Variants in PRKCA observed in about 807,000 individuals in gnomAD.
PRKCA encodes protein kinase C alpha type.
PRKCA carries 27 observed loss-of-function variants against 87.0 expected under a neutral mutation model. That is an observed-to-expected ratio of 0.31 (90% CI 0.23 to 0.43). PRKCA has a LOEUF of 0.43. Among genes scored for constraint, PRKCA ranks in the 20% least tolerant of loss-of-function variants. The pLI, the probability that PRKCA is intolerant of heterozygous loss-of-function variation, is 1.00. For missense variants in PRKCA, 518 were observed against 852.3 expected, an observed-to-expected ratio of 0.61 and a Z score of 4.88; for synonymous variants, 329 against 311.1, an observed-to-expected ratio of 1.06 and a Z score of -0.61.
chr17:66,390,243 T>C (rs1225343042), intron 2 of PRKCA, among the ~76,000 whole-genome samples: 1 of 151,852 alleles, frequency 6.6e-6, no homozygotes, highest in African/African-American at 2.4e-5. Flanking sequence ...AAAAAAATCA[T>C]GAAGAGTGGA....
chr17:66,571,298 A>G (rs1315612419), intron 3 of PRKCA, among the ~76,000 whole-genome samples: 1 of 152,192 alleles, frequency 6.6e-6, no homozygotes, highest in Non-Finnish European at 1.5e-5. Context: ...ATGGTTGAAT[A>G]TACAGGAGAG....
At chr17:66,558,639 A>G (rs1008934717) in intron 3 of PRKCA, among the ~76,000 whole-genome samples, 4 of 152,158 alleles carry the variant, frequency 2.6e-5, no homozygotes, top group African/African-American at 9.7e-5. Flanking sequence ...TAAGAGTGAG[A>G]TCATCATAAA....
chr17:66,582,284 A>C (rs2143473958), intron 3 of PRKCA, among the ~76,000 whole-genome samples: 1 of 152,350 alleles, frequency 6.6e-6, no homozygotes, highest in South Asian at 2.1e-4. Flanking sequence ...ATCCTTATCC[A>C]AAATGCCTGG....
chr17:66,374,719 C>CTTTTTTTTTTTTTTTT (rs35431248), intron 2 of PRKCA, among the ~76,000 whole-genome samples: 3 of 115,826 alleles, frequency 2.6e-5, no homozygotes, highest in Non-Finnish European at 5.1e-5. Flanking sequence ...GAGTTGCATT[C>CTTTTTTTTTTTTTTTT]TTTTTTTTTT....
Position 66,804,924 on chromosome 17 carries a change from C to A in PRKCA, c.*887C>A. 1.1e-6 allele frequency: 1 copy of A among 914,670 alleles called. No homozygotes were observed. Among genetic ancestry groups the A allele is most frequent in the Non-Finnish European group, 1.3e-6 (1 of 765,120 alleles). The allele number at this position is 914,670 out of a possible 1,614,324, so 56.7% of individuals were successfully genotyped here. Reference sequence around the variant, plus strand: ...GTTCACCAACACCCACCCCCACACACACCAACATTTTGCTGCCTACCTTGT... The same window carrying A: ...GTTCACCAACACCCACCCCCACACAAACCAACATTTTGCTGCCTACCTTGT... On this transcript the variant is annotated 3_prime_UTR_variant, in exon 17 of 17. Transcript: ENST00000413366.
At position 66,792,498 on chromosome 17, in the gene PRKCA, G is replaced by A. The variant is rs747073884; in HGVS notation, c.1854+3519G>A. ...CAGGGAATCATGGTTCCTCTAGTGT[G>A]CTGTCTTAATCCCTCTTCCTGACTG... On this transcript the variant is annotated intron_variant, in intron 16 of 16. Transcript: ENST00000413366. The surrounding 1 kb of genome is among the most constrained non-coding windows in gnomAD (Gnocchi z 4.5). Among the ~76,000 whole-genome samples, 4 of 152,192 alleles carry A rather than the reference G, an allele frequency of 2.6e-5. No individual in the cohort carries two copies. The highest frequency in any genetic ancestry group is 6.5e-5 in the Admixed American group (1 of 15,274).
chr17:66,422,441 A>G (rs937250838), intron 2 of PRKCA, among the ~76,000 whole-genome samples: 1 of 152,222 alleles, frequency 6.6e-6, no homozygotes, highest in African/African-American at 2.4e-5. Flanking sequence ...GTAAGCCCTC[A>G]ATAAATATAG....
intron 3 of PRKCA, among the ~76,000 whole-genome samples, chr17:66,536,371 A>G (rs1967782564): frequency 6.6e-6 from 1 of 152,278 alleles, no homozygotes; most frequent in Non-Finnish European, 1.5e-5. Context: ...TCATTCAGAG[A>G]AAAGCCACAG....
intron 2 of PRKCA, among the ~76,000 whole-genome samples, chr17:66,433,821 A>G (rs1339898160): frequency 6.6e-6 from 1 of 152,174 alleles, no homozygotes; most frequent in Non-Finnish European, 1.5e-5. Context: ...TTGGGATTAT[A>G]GGTGTGAGCC....
intron 3 of PRKCA, among the ~76,000 whole-genome samples, chr17:66,532,198 C>T (rs1598745508): frequency 6.6e-6 from 1 of 151,518 alleles, no homozygotes. Context: ...TGAGTCTGTC[C>T]CCACCATCTT....
chr17:66,390,424 G>A, intron 2 of PRKCA, among the ~76,000 whole-genome samples: 1 of 152,178 alleles, frequency 6.6e-6, no homozygotes, highest in Non-Finnish European at 1.5e-5. Context: ...GAAATGAAGT[G>A]TGTACAGTGG....
chr17:66,735,778 A>G (rs1974008276), intron 10 of PRKCA, 116 bp downstream of exon 10: 32 of 1,264,794 alleles, frequency 2.5e-5, no homozygotes, highest in Non-Finnish European at 3.4e-5. Flanking sequence ...GTGTGTTGTG[A>G]TGTCAAGCAG....
At chr17:66,325,459 T>TA (rs950924081) in intron 2 of PRKCA, among the ~76,000 whole-genome samples, 1 of 151,610 alleles carries the variant, frequency 6.6e-6, no homozygotes, top group Non-Finnish European at 1.5e-5. Flanking sequence ...CGCCCCACTT[T>TA]AAAAAAAAAT....
In PRKCA at chr17:66,596,025, G is replaced by A. The variant is rs529494503; in HGVS notation, c.289-45330G>A. Among the ~76,000 whole-genome samples, 101 of 152,272 alleles carry A rather than the reference G, an allele frequency of 6.6e-4. 1 individual carries two copies. The South Asian group carries it at 9.7e-3, about 15-fold the overall frequency. On this transcript the variant is annotated intron_variant, in intron 3 of 16. Transcript: ENST00000413366. ...ATCCTGTAGGGATGGGTGGTGGGTC[G>A]CCTCAGGCCCTCCTTTCATTCCCAG...
intron 2 of PRKCA, among the ~76,000 whole-genome samples, chr17:66,326,309 C>T (rs1039093610): frequency 1.3e-5 from 2 of 152,084 alleles, no homozygotes; most frequent in Admixed American, 6.6e-5. Flanking sequence ...GTTTGCATAT[C>T]TTTAAAAGCA....
At chr17:66,802,483 C>T (rs1975922960) in intron 16 of PRKCA, among the ~76,000 whole-genome samples, 1 of 151,816 alleles carries the variant, frequency 6.6e-6, no homozygotes, top group African/African-American at 2.4e-5. Context: ...CGAGGTCACG[C>T]CACTGCACTC....
At chr17:66,624,694 C>A (rs112986066) in intron 3 of PRKCA, among the ~76,000 whole-genome samples, 12 of 151,976 alleles carry the variant, frequency 7.9e-5, no homozygotes, top group Non-Finnish European at 1.8e-4. Context: ...CCCAGCTACT[C>A]TGGAGACTGA....
At chr17:66,332,199 C>CTTCT (rs1327037219) in intron 2 of PRKCA, among the ~76,000 whole-genome samples, 1 of 144,936 alleles carries the variant, frequency 6.9e-6, no homozygotes, top group Middle Eastern at 3.2e-3. Flanking sequence ...TCTTTCTTTC[C>CTTCT]TTCTTTCTTC....
intron 8 of PRKCA, among the ~76,000 whole-genome samples, chr17:66,728,628 C>T (rs1463828389): frequency 6.6e-6 from 1 of 152,192 alleles, no homozygotes; most frequent in African/African-American, 2.4e-5. Context: ...TGCTTATAAC[C>T]AGACTAATAT....
Sources: gnomAD v4.1 joint callset for allele counts (sites outside exome capture counted in the v4.1 genomes callset) on GRCh38, gnomAD v4.1.1 for gene constraint, Gnocchi (gnomAD v3.1) non-coding constraint, MANE v1.5 for transcripts, NCBI Gene and HGNC (gene_info 2026-07-23, HGNC 2026-07-21) for gene names.